Variants in TENM4 observed in about 807,000 individuals in gnomAD.
TENM4 encodes the protein teneurin-4.
TENM4 carries 82 observed loss-of-function variants against 243.3 expected under a neutral mutation model. The observed-to-expected ratio is 0.34, with a 90% CI of 0.28 to 0.40. TENM4 has a LOEUF of 0.40. Ranked by LOEUF, TENM4 falls within the 10% of genes least tolerant of loss-of-function variation. TENM4 has a pLI of 1.00. For missense variants in TENM4, 3,138 were observed against 3,673.3 expected (o/e 0.85, Z 3.77); for synonymous variants, 1,412 against 1,456.3 (o/e 0.97, Z 0.69).
rs191309414 is a variant in TENM4, at chr11:78,963,773, C to T, written c.494-60250G>A. Among the ~76,000 whole-genome samples the T allele has an allele frequency of 9.6e-3, 1,457 of 151,232 alleles. 12 individuals are homozygous for T. The highest frequency in any genetic ancestry group is 0.017 in the Non-Finnish European group (1,132 of 67,812). ...TTGAGACAGAGTCTCACTCTGTCACCCAGGCTGGAGTGCAGTGGCACAATC... is the reference window on the plus strand; with the variant it reads ...TTGAGACAGAGTCTCACTCTGTCACTCAGGCTGGAGTGCAGTGGCACAATC... On this transcript the variant is annotated intron_variant, in intron 6 of 33. Coordinates refer to ENST00000278550, the MANE Select transcript of TENM4 (RefSeq NM_001098816.3).
chr11:79,124,875 G>GTATATATATACACATATGTA (rs1861835171), intron 4 of TENM4, among the ~76,000 whole-genome samples: 1 of 106,556 alleles, frequency 9.4e-6, no homozygotes, highest in Non-Finnish European at 1.9e-5. Context: ...ATATGTATGT[G>GTATATATATACACATATGTA]TATATATGTA....
intron 1 of TENM4, among the ~76,000 whole-genome samples, chr11:79,307,078 C>G (rs1362127573): frequency 2.6e-5 from 4 of 152,208 alleles, no homozygotes; most frequent in Non-Finnish European, 5.9e-5. Flanking sequence ...TCACTGATGA[C>G]TTACCATGTG....
intron 4 of TENM4, among the ~76,000 whole-genome samples, chr11:79,104,183 C>T (rs186348812): frequency 1.5e-4 from 23 of 152,274 alleles, no homozygotes; most frequent in African/African-American, 5.5e-4. Flanking sequence ...CACTTATCAG[C>T]ATTTGGAATT....
chr11:79,397,640 A>G (rs1442676512), intron 1 of TENM4, among the ~76,000 whole-genome samples: 1 of 152,244 alleles, frequency 6.6e-6, no homozygotes, highest in African/African-American at 2.4e-5. Context: ...TAGAGAATGC[A>G]AAGGGTTAGG....
chr11:78,932,998 T>C (rs1417977656), intron 6 of TENM4, among the ~76,000 whole-genome samples: 1 of 152,114 alleles, frequency 6.6e-6, no homozygotes, highest in Non-Finnish European at 1.5e-5. Context: ...GAGTTCAATA[T>C]CTTTGTCACA....
At chr11:78,989,454 C>T (rs1179620986) in intron 6 of TENM4, among the ~76,000 whole-genome samples, 1 of 152,226 alleles carries the variant, frequency 6.6e-6, no homozygotes, top group African/African-American at 2.4e-5. Flanking sequence ...AAATAAATGT[C>T]TTCTCCATTT....
intron 4 of TENM4, among the ~76,000 whole-genome samples, chr11:79,137,837 A>T (rs1180343068): frequency 6.6e-6 from 1 of 152,096 alleles, no homozygotes; most frequent in Non-Finnish European, 1.5e-5. Flanking sequence ...TGTTAGGCAT[A>T]ATTATGACCT....
intron 21 of TENM4, among the ~76,000 whole-genome samples, chr11:78,729,874 G>C (rs982748287): frequency 3.3e-5 from 5 of 152,046 alleles, no homozygotes; most frequent in Non-Finnish European, 7.4e-5. Context: ...AGAAAGATTG[G>C]GGAGGAGTAA....
rs1231202270 is a variant in TENM4, at chr11:78,669,703, G to T, written c.6642C>A (p.Arg2214=). The change falls in exon 32 of 34, where the codon CGC becomes CGA. Residue 2214 remains arginine, a synonymous_variant. Coordinates refer to ENST00000278550, the MANE Select transcript of TENM4 (RefSeq NM_001098816.3). The surrounding 1 kb of genome is among the most constrained non-coding windows in gnomAD (Gnocchi z 6.4). The part of the protein sequence containing the change: ...TVSINDKPLW[R]YSYDLNGNLH... ...GGTTCCCATTGAGGTCGTAGCTGTA[G>T]CGCCAGAGTGGCTTGTCATTGATGG... 6.2e-7 allele frequency: 1 copy of T among 1,613,906 alleles called. No homozygotes were observed. The highest frequency in any genetic ancestry group is 8.5e-7 in the Non-Finnish European group (1 of 1,179,908).
chr11:79,409,319 C>A lies in TENM4; in HGVS notation c.-321+31190G>T, dbSNP rs149250144. 1.1e-4 allele frequency among the ~76,000 whole-genome samples: 16 copies of A among 152,032 alleles called. No individual in the cohort carries two copies. The East Asian group carries it at 3.1e-3, about 29-fold the overall frequency. On this transcript the variant is annotated intron_variant, in intron 1 of 33. Transcript: ENST00000278550. ...TAGAGCTGTTTAGGAGTGTTTAAAG[C>A]ATTTAAAGGTAGATTCTGGGGCATA...
chr11:78,812,128 C>T lies in TENM4; in HGVS notation c.1972G>A (p.Glu658Lys), dbSNP rs968353531. 6 of 1,550,466 alleles carry T rather than the reference C, an allele frequency of 3.9e-6. No homozygotes were observed. Among genetic ancestry groups the T allele is most frequent in the Non-Finnish European group, 5.2e-6 (6 of 1,146,456 alleles). Reference sequence around the variant, plus strand: ...TGCCACCTGCAACTCTTACCTTCCTCACAGCTCTCGCCCTTGTAGCCAGGG... The same window carrying T: ...TGCCACCTGCAACTCTTACCTTCCTTACAGCTCTCGCCCTTGTAGCCAGGG... ...CNPGYKGESC[E>K]EVDCMDPTCS... Residue 658 changes from glutamate (E) to lysine (K), a missense_variant, in exon 14 of 34, where the codon GAG (glutamate) becomes AAG (lysine). This residue lies in a region of TENM4 where 2,467 missense variants were observed against 3,059.1 expected (regional missense o/e 0.81). Transcript: ENST00000278550.
At chr11:79,101,852 G>A (rs892846289) in intron 4 of TENM4, among the ~76,000 whole-genome samples, 1 of 152,272 alleles carries the variant, frequency 6.6e-6, no homozygotes, top group Admixed American at 6.5e-5. Context: ...ACAGAATCAA[G>A]TTTTCATACC....
chr11:79,112,898 T>C (rs1861536753), intron 4 of TENM4, among the ~76,000 whole-genome samples: 1 of 152,160 alleles, frequency 6.6e-6, no homozygotes, highest in Non-Finnish European at 1.5e-5. Context: ...ATGTCCTCTC[T>C]GCACCAACAA....
intron 2 of TENM4, among the ~76,000 whole-genome samples, chr11:79,291,689 C>A (rs909565406): frequency 2.0e-5 from 3 of 152,148 alleles, no homozygotes; most frequent in South Asian, 2.1e-4. Flanking sequence ...AGCTTCCAGG[C>A]GCAGTATTAT....
chr11:79,093,152 T>C (rs899169113), intron 4 of TENM4: 4 of 152,174 alleles, frequency 2.6e-5, no homozygotes, highest in Non-Finnish European at 4.4e-5. Flanking sequence ...CCTGGGGCAA[T>C]GACTCATAAT....
At chr11:78,853,976 T>C (rs1858609752) in intron 12 of TENM4, 128 bp downstream of exon 12, 2 of 907,516 alleles carry the variant, frequency 2.2e-6, no homozygotes, top group South Asian at 3.7e-5. Flanking sequence ...CAGGAGGGTC[T>C]CGTGCCAAGC....
At chr11:78,884,904 T>C (rs919496909) in intron 9 of TENM4, among the ~76,000 whole-genome samples, 1 of 152,278 alleles carries the variant, frequency 6.6e-6, no homozygotes, top group South Asian at 2.1e-4. Context: ...CAATTGCGAA[T>C]AATAACTCAT....
In TENM4 at chr11:78,670,337, TAGA is replaced by T; in HGVS notation, c.6005_6007del (p.Phe2002del). ...TATCACCCTGCGGCCAGTGCCCAGG[TAGA>T]AGGTGTGAAGGAGGTGCCCATCCTC... On this transcript the variant is annotated inframe_deletion, in exon 32 of 34. Transcript: ENST00000278550. 6.2e-7 allele frequency: 1 copy of T among 1,613,740 alleles called. No homozygotes were observed. Among genetic ancestry groups the T allele is most frequent in the Non-Finnish European group, 8.5e-7 (1 of 1,179,806 alleles).
chr11:79,040,294 CTG>C (rs1396997526), intron 6 of TENM4, among the ~76,000 whole-genome samples: 2 of 152,200 alleles, frequency 1.3e-5, no homozygotes, highest in African/African-American at 4.8e-5. Context: ...AAAACATAGT[CTG>C]TGAACCTACA....
Sources: gnomAD v4.1 joint callset for allele counts (sites outside exome capture counted in the v4.1 genomes callset) on GRCh38, gnomAD v4.1.1 for gene constraint, gnomAD v4.1.1 regional missense constraint, Gnocchi (gnomAD v3.1) non-coding constraint, MANE v1.5 for transcripts, NCBI Gene and HGNC (gene_info 2026-07-23, HGNC 2026-07-21) for gene names.